Variants in SUPT6H observed in about 807,000 individuals in gnomAD.
SUPT6H encodes SPT6 homolog, histone chaperone and transcription elongation factor.
A neutral mutation model predicts 222.3 loss-of-function variants in SUPT6H; 11 were observed. The observed-to-expected ratio is 0.05, with a 90% CI of 0.03 to 0.08. The LOEUF (loss-of-function observed/expected upper bound fraction) is 0.08. Ranked by LOEUF, SUPT6H falls within the 10% of genes least tolerant of loss-of-function variation. SUPT6H has a pLI of 1.00. For synonymous variants in SUPT6H, 762 were observed against 801.2 expected, an observed-to-expected ratio of 0.95 and a Z score of 0.83; for missense variants, 1,422 against 2,216.0, an observed-to-expected ratio of 0.64 and a Z score of 7.19.
Position 28,691,061 on chromosome 17 carries a change from G to A in SUPT6H, c.3631G>A (p.Glu1211Lys), listed in dbSNP as rs1193031430. Residue 1211 changes from glutamate (E) to lysine (K), a missense_variant and splice_region_variant, in exon 27 of 37, where the codon GAG (glutamate) becomes AAG (lysine). By Grantham distance (56) the Glu-to-Lys change is moderately conservative (BLOSUM62 1). Transcript: ENST00000314616. ...CQQDNFPELS[E>K]VWNHFDSGSC... The stretch of plus-strand genomic sequence containing the variant: ...GCAGGACAATTTCCCTGAACTAAGC[G>A]AGGTGTGTGCTGCAGCATTATCCTG... 6 of 1,613,422 alleles carry A rather than the reference G, an allele frequency of 3.7e-6. No individual in the cohort carries two copies. The African/African-American group carries it at 4.0e-5, about 11-fold the overall frequency.
At position 28,684,575 on chromosome 17, in the gene SUPT6H, T is replaced by TG; in HGVS notation, c.2230-11_2230-10insG. The TG allele has an allele frequency of 6.2e-7, 1 of 1,614,116 alleles. No individual in the cohort carries two copies. Among genetic ancestry groups the TG allele is most frequent in the South Asian group, 1.1e-5 (1 of 91,080 alleles). ...TCATGTATGTAATACCTGTTGTGTC[T>TG]CTTCCCTCAGGCCTGTAGTCGAAAG... On this transcript the variant is annotated splice_polypyrimidine_tract_variant and intron_variant, in intron 17 of 36. Transcript: ENST00000314616.
intron 2 of SUPT6H, 65 bp from the exon 3 acceptor site, chr17:28,674,218 T>A: frequency 1.3e-6 from 2 of 1,593,040 alleles, no homozygotes; most frequent in Non-Finnish European, 1.7e-6. Context: ...ATCACATTAA[T>A]CAAGTGACCC....
chr17:28,672,033 A>T (rs2030445344), intron 1 of SUPT6H, among the ~76,000 whole-genome samples: 1 of 152,216 alleles, frequency 6.6e-6, no homozygotes, highest in Non-Finnish European at 1.5e-5. Context: ...AGGGGAGTAA[A>T]TGATAAAACT....
At chr17:28,693,901 C>A in intron 28 of SUPT6H, 65 bp downstream of exon 28, 1 of 1,604,674 alleles carries the variant, frequency 6.2e-7, no homozygotes, top group South Asian at 1.1e-5. Context: ...GTCTCTTTAA[C>A]TTTGGGCTGT....
Position 28,697,889 on chromosome 17 carries a change from C to G in SUPT6H, c.4324-17C>G, listed in dbSNP as rs375452027. 1.9e-6 allele frequency: 3 copies of G among 1,613,174 alleles called. No homozygotes were observed. The highest frequency in any genetic ancestry group is 2.5e-6 in the Non-Finnish European group (3 of 1,179,590). On this transcript the variant is annotated splice_polypyrimidine_tract_variant and intron_variant, in intron 31 of 36. Coordinates refer to ENST00000314616, the MANE Select transcript of SUPT6H (RefSeq NM_003170.5). Reference sequence around the variant, plus strand: ...GCATGCTGCTATCCCAACCTCTCCCCCTCATTCTACCCCCAGAAATTAGAG... The same window carrying G: ...GCATGCTGCTATCCCAACCTCTCCCGCTCATTCTACCCCCAGAAATTAGAG...
chr17:28,687,046 T>C (rs2031417805), intron 21 of SUPT6H, 42 bp from the exon 22 acceptor site: 1 of 1,605,488 alleles, frequency 6.2e-7, no homozygotes, highest in Non-Finnish European at 8.5e-7. Context: ...ATGTTGTAGC[T>C]AAGGGGATTT....
chr17:28,701,427 T>G lies in SUPT6H; in HGVS notation c.4995-12T>G, dbSNP rs753445129. The G allele has an allele frequency of 1.2e-6, 2 of 1,610,364 alleles. No homozygotes were observed. The highest frequency in any genetic ancestry group is 3.3e-5 in the Admixed American group (2 of 59,886). ...AGCAAAGTCCCAATCTCAACTTTTC[T>G]TCCCCTCCCAGGTCCAACAGCCATG... On this transcript the variant is annotated splice_polypyrimidine_tract_variant and intron_variant, in intron 36 of 36. Transcript: ENST00000314616.
Position 28,699,797 on chromosome 17 carries a change from G to C in SUPT6H, c.4465G>C (p.Val1489Leu), listed in dbSNP as rs1366579801. 6.2e-7 allele frequency: 1 copy of C among 1,614,134 alleles called. No homozygotes were observed. The highest frequency in any genetic ancestry group is 2.2e-5 in the East Asian group (1 of 44,882). ...RGKPRIEYVT[V>L]TPEGFRYRGQ... Reference sequence around the variant, plus strand: ...AAATCCTAGGATAGAATATGTAACGGTGACTCCAGAGGGATTCCGGTACCG... The same window carrying C: ...AAATCCTAGGATAGAATATGTAACGCTGACTCCAGAGGGATTCCGGTACCG... Residue 1489 changes from valine (V) to leucine (L), a missense_variant, in exon 33 of 37, where the codon GTG becomes CTG. Val to Leu is a conservative substitution (Grantham distance 32). This residue lies in a region of SUPT6H where 395 missense variants were observed against 580.6 expected (regional missense o/e 0.68). Coordinates refer to ENST00000314616, the MANE Select transcript of SUPT6H (RefSeq NM_003170.5).
intron 31 of SUPT6H, 40 bp from the exon 32 acceptor site, chr17:28,697,866 A>C: frequency 1.2e-6 from 2 of 1,610,730 alleles, no homozygotes; most frequent in Non-Finnish European, 1.7e-6. Context: ...TGTACCAAGC[A>C]TGCTGCTATC....
At chr17:28,696,543 G>A (rs1446994820) in intron 29 of SUPT6H, among the ~76,000 whole-genome samples, 1 of 148,316 alleles carries the variant, frequency 6.7e-6, no homozygotes, top group Non-Finnish European at 1.5e-5. Context: ...AGCCAGAATT[G>A]CGCCACTGCA....
intron 31 of SUPT6H, 48 bp from the exon 32 acceptor site, chr17:28,697,858 T>C: frequency 6.2e-7 from 1 of 1,610,094 alleles, no homozygotes; most frequent in Non-Finnish European, 8.5e-7. Flanking sequence ...AGACGTTGTG[T>C]ACCAAGCATG....
At chr17:28,679,952 T>G (rs1214759465) in intron 11 of SUPT6H, among the ~76,000 whole-genome samples, 1 of 136,836 alleles carries the variant, frequency 7.3e-6, no homozygotes, top group African/African-American at 2.8e-5. Context: ...ATCGTGCCAC[T>G]GCACTCCAGG....
At position 28,677,712 on chromosome 17, in the gene SUPT6H, C is replaced by T. The variant is rs2030843542; in HGVS notation, c.898-3C>T. On this transcript the variant is annotated splice_polypyrimidine_tract_variant and splice_region_variant and intron_variant, in intron 7 of 36. Coordinates refer to ENST00000314616, the MANE Select transcript of SUPT6H (RefSeq NM_003170.5). Reference sequence around the variant, plus strand: ...TCTCACCCTGTTGTCTTATCCACTCCAGCTCCGCTCCATCCCAGTCAAGGG... The same window carrying T: ...TCTCACCCTGTTGTCTTATCCACTCTAGCTCCGCTCCATCCCAGTCAAGGG... 1 of 1,613,324 alleles carries T rather than the reference C, an allele frequency of 6.2e-7. No homozygotes were observed. The highest frequency in any genetic ancestry group is 8.5e-7 in the Non-Finnish European group (1 of 1,179,336).
intron 1 of SUPT6H, among the ~76,000 whole-genome samples, chr17:28,669,844 G>A (rs1222044651): frequency 6.6e-6 from 1 of 152,250 alleles, no homozygotes; most frequent in Non-Finnish European, 1.5e-5. Flanking sequence ...GCTGAGGCAA[G>A]AGAATCGCTT....
intron 33 of SUPT6H, 100 bp from the exon 34 acceptor site, chr17:28,700,073 C>A (rs1281115119): frequency 2.6e-6 from 4 of 1,555,966 alleles, no homozygotes; most frequent in Admixed American, 3.4e-5. Context: ...TGCAGCTTCC[C>A]TTCCTCCCTC....
intron 33 of SUPT6H, 88 bp downstream of exon 33, chr17:28,699,981 TGAG>T: frequency 1.4e-6 from 2 of 1,414,656 alleles, no homozygotes; most frequent in Non-Finnish European, 2.0e-6. Context: ...GGGGACCAGG[TGAG>T]GAGTAGGCTG....
intron 15 of SUPT6H, 31 bp from the exon 16 acceptor site, chr17:28,683,237 C>T: frequency 1.2e-6 from 2 of 1,608,864 alleles, no homozygotes; most frequent in Admixed American, 3.4e-5. Context: ...AGCCCATCCG[C>T]AGGCTCATGA....
intron 1 of SUPT6H, among the ~76,000 whole-genome samples, chr17:28,668,892 C>G (rs1199629479): frequency 1.3e-5 from 2 of 152,166 alleles, no homozygotes; most frequent in African/African-American, 4.8e-5. Flanking sequence ...TTTGGCAGTG[C>G]TCAAGCTAAA....
chr17:28,674,397 C>T lies in SUPT6H; in HGVS notation c.224C>T (p.Ser75Phe). 6.2e-7 allele frequency: 1 copy of T among 1,613,682 alleles called. No homozygotes were observed. The highest frequency in any genetic ancestry group is 8.5e-7 in the Non-Finnish European group (1 of 1,179,756). ...GGGGAGGAGGATGAGGGCAGTGACT[C>T]TGGTGATTCAGAAGATGATGTTGGC... ...DEGEEDEGSD[S>F]GDSEDDVGHK... Residue 75 changes from serine (S) to phenylalanine (F), a missense_variant, in exon 3 of 37, where the codon TCT (serine) becomes TTT (phenylalanine). By Grantham distance (155) the Ser-to-Phe change is radical. Transcript: ENST00000314616.
Sources: gnomAD v4.1 joint callset for allele counts (sites outside exome capture counted in the v4.1 genomes callset) on GRCh38, gnomAD v4.1.1 for gene constraint, gnomAD v4.1.1 regional missense constraint, MANE v1.5 for transcripts, NCBI Gene and HGNC (gene_info 2026-07-23, HGNC 2026-07-21) for gene names.